USP50: variants seen among roughly 807,000 people sequenced by gnomAD.
USP50 encodes the protein ubiquitin carboxyl-terminal hydrolase 50.
USP50 carries 37 observed loss-of-function variants against 39.2 expected under a neutral mutation model. The ratio of observed to expected loss-of-function variants is 0.94; its 90% CI spans 0.73 to 1.24. USP50 has a LOEUF of 1.24. USP50 is among the 50% of genes most tolerant of loss of function. The pLI, the probability that USP50 is intolerant of heterozygous loss-of-function variation, is 0.00. For synonymous variants in USP50, 139 were observed against 144.5 expected, an observed-to-expected ratio of 0.96 and a Z score of 0.27; for missense variants, 374 against 398.2, an observed-to-expected ratio of 0.94 and a Z score of 0.52.
chr15:50,525,515 T>C (rs975327723), intron 6 of USP50, among the ~76,000 whole-genome samples: 3 of 109,990 alleles, frequency 2.7e-5, no homozygotes, highest in Admixed American at 1.1e-4. Context: ...TGTGTATATA[T>C]ATGTATATAT....
In USP50 at chr15:50,500,609, T is replaced by C. The variant is rs1284966395; in HGVS notation, c.*160A>G. ...CAAGCAAAACTCTACCACCAGATGC[T>C]GACTGCTTGTTTTGCAGTGTTCAGG... On this transcript the variant is annotated 3_prime_UTR_variant, in exon 7 of 7. Transcript: ENST00000532404. 8.3e-6 allele frequency: 5 copies of C among 605,110 alleles called. No homozygotes were observed. In the Admixed American group the frequency reaches 1.2e-4, roughly 14 times the overall value. The allele number at this position is 605,110 out of a possible 1,614,324, so 37.5% of individuals were successfully genotyped here. A position where few individuals can be genotyped will look rare whatever the true frequency, so the allele number is the denominator to read the frequency against.
Position 50,532,324 on chromosome 15 carries a change from C to T in USP50, c.804-2395G>A, listed in dbSNP as rs1281773798. The T allele has an allele frequency of 7.1e-6, 3 of 422,948 alleles. No individual in the cohort carries two copies. The Admixed American group carries it at 7.8e-5, about 11-fold the overall frequency. 26.2% of individuals were successfully genotyped at this position (422,948 alleles called of 1,614,324 possible). Reference sequence around the variant, plus strand: ...GAGAAACTCATTAACCAGAGCCTAACCTGCTGGGGTCTTATCAGAGCTTAA... The same window carrying T: ...GAGAAACTCATTAACCAGAGCCTAATCTGCTGGGGTCTTATCAGAGCTTAA... On this transcript the variant is annotated intron_variant, in intron 5 of 6. Transcript: ENST00000532404.
At position 50,541,248 on chromosome 15, in the gene USP50, C is replaced by T. The variant is rs931878038; in HGVS notation, c.461G>A (p.Arg154Lys). ...EALKKYHYSR[R>K]RSYEKGSTQR... is the part of the protein sequence containing the mutation. The stretch of plus-strand genomic sequence containing the variant: ...AGTAGATCCTTTCTCATATGATCTT[C>T]TCCGGGAGTAGTGGTACTGAATCAA... Residue 154 changes from arginine to lysine, a missense_variant, in exon 4 of 7, where the codon AGA becomes AAA. Transcript: ENST00000532404. 1 of 1,613,640 alleles carries T rather than the reference C, an allele frequency of 6.2e-7. No homozygotes were observed.
intron 6 of USP50, chr15:50,505,403 A>G (rs531577651): frequency 7.2e-5 from 11 of 152,344 alleles, no homozygotes; most frequent in South Asian, 6.2e-4. Flanking sequence ...ATAACTGTCA[A>G]TCTGGAATTT....
At chr15:50,528,843 C>T (rs975839191) in intron 6 of USP50, among the ~76,000 whole-genome samples, 5 of 152,152 alleles carry the variant, frequency 3.3e-5, no homozygotes, top group African/African-American at 4.8e-5. Flanking sequence ...AATTAGACTT[C>T]GGTGGACTCT....
intron 6 of USP50, chr15:50,503,902 G>A (rs979868491): frequency 6.6e-6 from 1 of 151,792 alleles, no homozygotes; most frequent in East Asian, 1.9e-4. Context: ...AAACCCCCAA[G>A]GACTTTAGAT....
chr15:50,506,075 A>T (rs1596004050), intron 6 of USP50: 1 of 152,374 alleles, frequency 6.6e-6, no homozygotes, highest in East Asian at 1.9e-4. Context: ...GGCTTTAAGT[A>T]TGAAAGCTGT....
chr15:50,496,068 G>C, downstream of USP50: 1 of 1,611,376 alleles, frequency 6.2e-7, no homozygotes, highest in Non-Finnish European at 8.5e-7. Flanking sequence ...GCATCCACAA[G>C]TAAATGTACA....
chr15:50,502,075 C>T (rs1301897562), intron 6 of USP50: 3 of 152,320 alleles, frequency 2.0e-5, no homozygotes, highest in East Asian at 3.9e-4. Flanking sequence ...TTGCTGACCT[C>T]TGCTGTAGAG....
chr15:50,531,546 A>G (rs1022978240), intron 5 of USP50, among the ~76,000 whole-genome samples: 9 of 152,330 alleles, frequency 5.9e-5, no homozygotes, highest in African/African-American at 2.2e-4. Flanking sequence ...GAGGAGAATG[A>G]TTAGAGAGGA....
At chr15:50,509,132 CAAAAAAAAAAAA>C (rs57125859) in intron 6 of USP50, 1,059 of 41,412 alleles carry the variant, frequency 0.026, 29 homozygotes, top group African/African-American at 0.095. Context: ...GACTCCGTCA[CAAAAAAAAAAAA>C]AAAAAAAAAA....
At chr15:50,521,179 T>C (rs1365547339) in intron 6 of USP50, among the ~76,000 whole-genome samples, 1 of 152,090 alleles carries the variant, frequency 6.6e-6, no homozygotes, top group Non-Finnish European at 1.5e-5. Context: ...GTAGCTGGGA[T>C]TACAGGCGCC....
chr15:50,499,707 T>A (rs2052543520), downstream of USP50: 1 of 151,862 alleles, frequency 6.6e-6, no homozygotes, highest in Non-Finnish European at 1.5e-5. Flanking sequence ...AAAAAAAAAA[T>A]GGAAACTTTA....
intron 6 of USP50, among the ~76,000 whole-genome samples, chr15:50,529,382 C>T (rs1364986072): frequency 6.6e-6 from 1 of 151,502 alleles, no homozygotes; most frequent in Non-Finnish European, 1.5e-5. Flanking sequence ...GTGGCACATG[C>T]CTGTAGTCTC....
intron 3 of USP50, among the ~76,000 whole-genome samples, chr15:50,542,081 A>C (rs2141380500): frequency 6.6e-6 from 1 of 152,152 alleles, no homozygotes; most frequent in South Asian, 2.1e-4. Context: ...GCAAATCTTA[A>C]ATTTCTAAGG....
intron 6 of USP50, chr15:50,512,219 T>C (rs138231367): frequency 6.6e-6 from 1 of 151,722 alleles, no homozygotes; most frequent in Non-Finnish European, 1.5e-5. Flanking sequence ...TCCCAGCTAC[T>C]CGGGAGGCTG....
chr15:50,513,769 A>C (rs1429528356), intron 6 of USP50: 1 of 152,198 alleles, frequency 6.6e-6, no homozygotes, highest in East Asian at 1.9e-4. Context: ...AAAGACTACC[A>C]AGTGTTAACA....
At chr15:50,530,026 A>G in intron 5 of USP50, 97 bp from the exon 6 acceptor site, 4 of 1,475,766 alleles carry the variant, frequency 2.7e-6, no homozygotes, top group Non-Finnish European at 3.7e-6. Context: ...TAATTTCTTG[A>G]CTGGGCACAG....
At chr15:50,506,575 CA>C (rs1196903263) in intron 6 of USP50, 2 of 152,070 alleles carry the variant, frequency 1.3e-5, no homozygotes, top group South Asian at 2.1e-4. Flanking sequence ...AACATAAACA[CA>C]AAAGAAGATG....
Sources: allele counts gnomAD v4.1 joint callset (sites outside exome capture counted in the v4.1 genomes callset), GRCh38; gene constraint gnomAD v4.1.1; transcripts MANE v1.5; gene names NCBI Gene and HGNC (gene_info 2026-07-23, HGNC 2026-07-21).